IQCJ: variants seen among roughly 807,000 people sequenced by gnomAD.
IQCJ encodes the protein IQ motif containing J.
A neutral mutation model predicts 11.0 loss-of-function variants in IQCJ; 9 were observed. That is an observed-to-expected ratio of 0.82 (90% CI 0.49 to 1.43). IQCJ has a LOEUF of 1.43. IQCJ is among the 40% of genes most tolerant of loss of function. The pLI is 0.00. For missense variants in IQCJ, 146 were observed against 133.2 expected, an observed-to-expected ratio of 1.10 and a Z score of -0.47; for synonymous variants, 55 against 51.3, an observed-to-expected ratio of 1.07 and a Z score of -0.31.
intron 1 of IQCJ, among the ~76,000 whole-genome samples, chr3:159,140,775 T>C (rs1046374449): frequency 1.3e-5 from 2 of 152,350 alleles, no homozygotes; most frequent in Admixed American, 1.3e-4. Flanking sequence ...CCTACCTATA[T>C]CAGTTTGTTA....
chr3:159,131,586 G>A (rs1719990772), intron 1 of IQCJ, among the ~76,000 whole-genome samples: 1 of 152,116 alleles, frequency 6.6e-6, no homozygotes, highest in East Asian at 1.9e-4. Flanking sequence ...CTGAGCTTTA[G>A]TAACATTATA....
intron 1 of IQCJ, among the ~76,000 whole-genome samples, chr3:159,223,780 A>G (rs979322457): frequency 6.6e-6 from 1 of 152,162 alleles, no homozygotes; most frequent in Admixed American, 6.6e-5. Context: ...ACATGATGCC[A>G]CAAGTGGAAA....
chr3:159,223,518 G>A lies in IQCJ; in HGVS notation c.10-22325G>A, dbSNP rs1315794300. Among the ~76,000 whole-genome samples the A allele has an allele frequency of 3.3e-5, 5 of 151,980 alleles. No homozygotes were observed. The East Asian group carries it at 9.6e-4, about 29-fold the overall frequency. ...ATTCTATCACCTCACGTATCCTTGA[G>A]AACTAAGACTCTGGTTTGGAAGATG... On this transcript the variant is annotated intron_variant, in intron 1 of 3. Coordinates refer to ENST00000397832, the MANE Select transcript of IQCJ (RefSeq NM_001042706.3).
intron 1 of IQCJ, among the ~76,000 whole-genome samples, chr3:159,137,358 T>C (rs557423292): frequency 6.6e-6 from 1 of 152,328 alleles, no homozygotes; most frequent in South Asian, 2.1e-4. Context: ...AAGCTATTCA[T>C]GTGACCTTCA....
At chr3:159,262,487 T>C (rs1728266111) in intron 3 of IQCJ, 61 bp from the exon 4 acceptor site, 2 of 1,570,528 alleles carry the variant, frequency 1.3e-6, no homozygotes, top group Non-Finnish European at 1.7e-6. Flanking sequence ...TCTGAGTCTG[T>C]GGACCATGAT....
At chr3:159,192,452 T>G (rs561833569) in intron 1 of IQCJ, among the ~76,000 whole-genome samples, 19 of 151,660 alleles carry the variant, frequency 1.3e-4, no homozygotes, top group African/African-American at 3.9e-4. Flanking sequence ...CATAAGAGAG[T>G]GAAGGAAGCA....
intron 1 of IQCJ, among the ~76,000 whole-genome samples, chr3:159,072,952 AT>A (rs1715675521): frequency 6.6e-6 from 1 of 152,066 alleles, no homozygotes; most frequent in African/African-American, 2.4e-5. Flanking sequence ...TGGGTGTGTC[AT>A]TTAGGTTCTC....
At chr3:159,162,286 TG>T (rs1721908778) in intron 1 of IQCJ, among the ~76,000 whole-genome samples, 1 of 152,236 alleles carries the variant, frequency 6.6e-6, no homozygotes, top group South Asian at 2.1e-4. Flanking sequence ...TTATTCTCTT[TG>T]AAGCAATTGT....
intron 1 of IQCJ, among the ~76,000 whole-genome samples, chr3:159,190,151 C>T (rs1478615441): frequency 6.6e-6 from 1 of 152,128 alleles, no homozygotes; most frequent in Admixed American, 6.5e-5. Context: ...TGTGTGTGAC[C>T]AGAGGATTAG....
chr3:159,143,745 A>G (rs938621593), intron 1 of IQCJ, among the ~76,000 whole-genome samples: 1 of 152,224 alleles, frequency 6.6e-6, no homozygotes, highest in Non-Finnish European at 1.5e-5. Context: ...GTGCTTCACA[A>G]GAATATTGGA....
rs540132817 is a variant in IQCJ, at chr3:159,070,405, T to C, written c.9+964T>C. 4.6e-5 allele frequency among the ~76,000 whole-genome samples: 7 copies of C among 152,232 alleles called. No individual in the cohort carries two copies. In the South Asian group the frequency reaches 8.3e-4, roughly 18 times the overall value. On this transcript the variant is annotated intron_variant, in intron 1 of 3. Transcript: ENST00000397832. Reference sequence around the variant, plus strand: ...AGATGAATTATTTAAGGTTCATACTTAATTGCTATTTCAAATTCTTAAGCT... The same window carrying C: ...AGATGAATTATTTAAGGTTCATACTCAATTGCTATTTCAAATTCTTAAGCT...
intron 1 of IQCJ, among the ~76,000 whole-genome samples, chr3:159,081,729 C>T (rs1357648025): frequency 6.6e-6 from 1 of 151,888 alleles, no homozygotes; most frequent in Admixed American, 6.6e-5. Flanking sequence ...CGACTTTTTC[C>T]AAGAATGTGG....
intron 1 of IQCJ, among the ~76,000 whole-genome samples, chr3:159,216,246 A>C (rs1725227803): frequency 6.6e-6 from 1 of 152,120 alleles, no homozygotes; most frequent in African/African-American, 2.4e-5. Flanking sequence ...GTGAATAGCA[A>C]ATGAGAGATC....
intron 1 of IQCJ, among the ~76,000 whole-genome samples, chr3:159,089,843 A>C (rs184127108): frequency 0.071 from 10,831 of 151,634 alleles, 571 homozygotes; most frequent in Non-Finnish European, 0.11. Flanking sequence ...CAAAGTTTTC[A>C]ACTTCTTTGC....
At chr3:159,218,101 A>G (rs1225289473) in intron 1 of IQCJ, among the ~76,000 whole-genome samples, 1 of 151,828 alleles carries the variant, frequency 6.6e-6, no homozygotes, top group Admixed American at 6.6e-5. Flanking sequence ...AAGTATAAAT[A>G]TTATCTATTT....
intron 1 of IQCJ, among the ~76,000 whole-genome samples, chr3:159,077,650 T>A (rs1716014018): frequency 6.6e-6 from 1 of 152,106 alleles, no homozygotes; most frequent in Non-Finnish European, 1.5e-5. Context: ...TTTACATCCA[T>A]TTGCTTGTAT....
intron 1 of IQCJ, among the ~76,000 whole-genome samples, chr3:159,241,130 C>A (rs964042639): frequency 6.6e-6 from 1 of 151,926 alleles, no homozygotes; most frequent in Non-Finnish European, 1.5e-5. Flanking sequence ...GAGAATCTGG[C>A]CAGGAGCAGT....
chr3:159,241,193 A>T (rs1329108532), intron 1 of IQCJ, among the ~76,000 whole-genome samples: 1 of 151,910 alleles, frequency 6.6e-6, no homozygotes, highest in South Asian at 2.1e-4. Flanking sequence ...GCGGATCATG[A>T]GGTCAGGAGT....
intron 1 of IQCJ, among the ~76,000 whole-genome samples, chr3:159,164,205 G>T (rs1385412079): frequency 6.6e-6 from 1 of 152,026 alleles, no homozygotes; most frequent in Non-Finnish European, 1.5e-5. Flanking sequence ...GTTGTCCTTG[G>T]GTTCTCTGCC....
Sources: allele counts gnomAD v4.1 joint callset (sites outside exome capture counted in the v4.1 genomes callset), GRCh38; gene constraint gnomAD v4.1.1; transcripts MANE v1.5; gene names NCBI Gene and HGNC (gene_info 2026-07-23, HGNC 2026-07-21).